GPC6: variants seen among roughly 807,000 people sequenced by gnomAD.
The protein encoded by GPC6 is glypican 6.
In GPC6, 14 loss-of-function variants were observed where a neutral mutation model predicts 55.2. The observed-to-expected ratio is 0.25, with a 90% CI of 0.17 to 0.40. GPC6 has a LOEUF of 0.40. GPC6 is among the 10% of genes least tolerant of loss of function. The pLI is 1.00. For synonymous variants in GPC6, 278 were observed against 259.6 expected, an observed-to-expected ratio of 1.07 and a Z score of -0.68; for missense variants, 641 against 708.5, an observed-to-expected ratio of 0.90 and a Z score of 1.08.
At chr13:93,352,646 T>A (rs1880672740) in intron 1 of GPC6, among the ~76,000 whole-genome samples, 1 of 152,014 alleles carries the variant, frequency 6.6e-6, no homozygotes, top group Admixed American at 6.6e-5. Flanking sequence ...TTGGTTGGGT[T>A]GGAGGGAGGA....
chr13:93,781,679 A>T (rs1305089384), intron 2 of GPC6, among the ~76,000 whole-genome samples: 1 of 152,182 alleles, frequency 6.6e-6, no homozygotes, highest in Non-Finnish European at 1.5e-5. Flanking sequence ...AATGTCTGAG[A>T]CTGTCTGAGC....
chr13:93,321,726 A>G (rs1170256594), intron 1 of GPC6, among the ~76,000 whole-genome samples: 1 of 152,236 alleles, frequency 6.6e-6, no homozygotes. Flanking sequence ...TCTAATAAAT[A>G]AAAGAAGTTG....
At chr13:93,862,440 T>C (rs1888844525) in intron 3 of GPC6, among the ~76,000 whole-genome samples, 1 of 151,588 alleles carries the variant, frequency 6.6e-6, no homozygotes, top group African/African-American at 2.4e-5. Flanking sequence ...GAAAGGCTTT[T>C]AAGTATTGCA....
chr13:93,874,677 A>C (rs9589861), intron 3 of GPC6, among the ~76,000 whole-genome samples: 10,763 of 150,446 alleles, frequency 0.072, 1,200 homozygotes, highest in African/African-American at 0.24. Flanking sequence ...ATAGACTCTG[A>C]TTCTGTAGGT....
chr13:93,230,496 T>A (rs1875968735), intron 1 of GPC6, among the ~76,000 whole-genome samples: 1 of 152,196 alleles, frequency 6.6e-6, no homozygotes, highest in Admixed American at 6.5e-5. Flanking sequence ...CTATTTATCC[T>A]TGTTTGAAAA....
At chr13:93,564,822 C>A (rs1876006873) in intron 2 of GPC6, among the ~76,000 whole-genome samples, 1 of 152,056 alleles carries the variant, frequency 6.6e-6, no homozygotes, top group Admixed American at 6.6e-5. Flanking sequence ...TAAAACAGAC[C>A]TCTTAGGAAT....
intron 1 of GPC6, among the ~76,000 whole-genome samples, chr13:93,296,799 AC>A (rs1878508467): frequency 6.6e-6 from 1 of 152,188 alleles, no homozygotes; most frequent in Non-Finnish European, 1.5e-5. Flanking sequence ...TTCTGAGAGA[AC>A]AATGATTCAT....
chr13:93,715,734 A>G (rs750015291), intron 2 of GPC6, among the ~76,000 whole-genome samples: 37 of 151,692 alleles, frequency 2.4e-4, no homozygotes, highest in Admixed American at 1.4e-3. Flanking sequence ...GTATTTTCTC[A>G]TGTGCAAAAT....
At chr13:94,037,054 G>T (rs1398752862) in intron 4 of GPC6, among the ~76,000 whole-genome samples, 2 of 151,948 alleles carry the variant, frequency 1.3e-5, no homozygotes, top group Non-Finnish European at 2.9e-5. Flanking sequence ...AAAGCCTACT[G>T]TTATGACTCA....
chr13:93,854,124 A>G (rs1479543126), intron 3 of GPC6, among the ~76,000 whole-genome samples: 2 of 151,640 alleles, frequency 1.3e-5, no homozygotes, highest in East Asian at 1.9e-4. Context: ...TCAAATTACC[A>G]TAATCTGCCT....
chr13:94,194,851 G>GT (rs1409867752), intron 4 of GPC6, among the ~76,000 whole-genome samples: 2 of 152,018 alleles, frequency 1.3e-5, no homozygotes, highest in African/African-American at 4.8e-5. Flanking sequence ...CATGTGTTGT[G>GT]TATCTGTGTA....
chr13:93,292,547 A>C (rs1237721813), intron 1 of GPC6, among the ~76,000 whole-genome samples: 1 of 152,224 alleles, frequency 6.6e-6, no homozygotes, highest in Non-Finnish European at 1.5e-5. Context: ...ATGACTTGGC[A>C]GATATTACAT....
intron 1 of GPC6, among the ~76,000 whole-genome samples, chr13:93,320,122 G>GA (rs1443103113): frequency 6.6e-6 from 1 of 151,932 alleles, no homozygotes; most frequent in Non-Finnish European, 1.5e-5. Context: ...TTAAATCCAG[G>GA]AAAAATATAA....
chr13:93,822,639 C>T (rs1887092446), intron 2 of GPC6, among the ~76,000 whole-genome samples: 1 of 149,424 alleles, frequency 6.7e-6, no homozygotes, highest in South Asian at 2.2e-4. Flanking sequence ...ATGTTCCTCT[C>T]CCTGTGTCCA....
At chr13:93,596,921 A>T (rs563812900) in intron 2 of GPC6, among the ~76,000 whole-genome samples, 1 of 147,842 alleles carries the variant, frequency 6.8e-6, no homozygotes, top group East Asian at 2.0e-4. Context: ...TAGGCTGGAG[A>T]CCCAGGAAAG....
intron 4 of GPC6, among the ~76,000 whole-genome samples, chr13:94,148,670 C>G (rs960680657): frequency 2.6e-5 from 4 of 151,940 alleles, no homozygotes; most frequent in African/African-American, 7.2e-5. Flanking sequence ...AGTGATTTTT[C>G]AAATGTTATT....
At chr13:93,522,547 T>C (rs1881461934) in intron 1 of GPC6, among the ~76,000 whole-genome samples, 2 of 151,934 alleles carry the variant, frequency 1.3e-5, no homozygotes. Flanking sequence ...ATTCCCTTTA[T>C]GGCAGAAATG....
At chr13:93,219,300 G>C in the GPC6 span, among the ~76,000 whole-genome samples, 1 of 152,014 alleles carries the variant, frequency 6.6e-6, no homozygotes, top group Non-Finnish European at 1.5e-5. Context: ...CACCATGTTG[G>C]CCAGGCTGGT....
intron 3 of GPC6, among the ~76,000 whole-genome samples, chr13:93,917,351 G>A (rs1877343452): frequency 6.6e-6 from 1 of 151,982 alleles, no homozygotes; most frequent in South Asian, 2.1e-4. Context: ...AGCAGCCACA[G>A]CGTGGAAAAA....
Sources: allele counts gnomAD v4.1 joint callset (sites outside exome capture counted in the v4.1 genomes callset), GRCh38; gene constraint gnomAD v4.1.1; transcripts MANE v1.5; gene names NCBI Gene and HGNC (gene_info 2026-07-23, HGNC 2026-07-21).